PRKDC: variants seen among roughly 807,000 people sequenced by gnomAD.
The protein encoded by PRKDC is protein kinase, DNA-activated, catalytic subunit, also known as DNA-dependent protein kinase catalytic subunit.
A neutral mutation model predicts 486.9 loss-of-function variants in PRKDC; 82 were observed. The observed-to-expected ratio is 0.17, with a 90% CI of 0.14 to 0.20. The LOEUF is 0.20. Ranked by LOEUF, PRKDC falls within the 10% of genes least tolerant of loss-of-function variation. PRKDC has a pLI of 1.00. For synonymous variants in PRKDC, 1,895 were observed against 1,837.0 expected (o/e 1.03, Z -0.81); for missense variants, 4,504 against 5,038.2 (o/e 0.89, Z 3.21).
Position 47,778,807 on chromosome 8 carries a change from TTAA to T in PRKDC, c.11580-11_11580-9del. The T allele has an allele frequency of 6.2e-7, 1 of 1,610,162 alleles. No individual in the cohort carries two copies. Among genetic ancestry groups the T allele is most frequent in the Non-Finnish European group, 8.5e-7 (1 of 1,178,482 alleles). On this transcript the variant is annotated splice_polypyrimidine_tract_variant and intron_variant, in intron 81 of 85. Coordinates refer to ENST00000314191, the MANE Select transcript of PRKDC (RefSeq NM_006904.7). Reference sequence around the variant, plus strand: ...TCAGTACGATTAGCGCCCCTATGATTTAATAATAGAAACATCTAATTAGAAAAA... The same window carrying T: ...TCAGTACGATTAGCGCCCCTATGATTTAATAGAAACATCTAATTAGAAAAA...
At position 47,821,875 on chromosome 8, in the gene PRKDC, A is replaced by G. The variant is rs2087605358; in HGVS notation, c.8923-83T>C. 22 of 1,195,606 alleles carry G rather than the reference A, an allele frequency of 1.8e-5. No individual in the cohort carries two copies. The South Asian group carries it at 3.3e-4, about 18-fold the overall frequency. The allele number at this position is 1,195,606 out of a possible 1,614,324, so 74.1% of individuals were successfully genotyped here. A position where few individuals can be genotyped will look rare whatever the true frequency, so the allele number is the denominator to read the frequency against. On this transcript the variant is annotated intron_variant, in intron 64 of 85. Transcript: ENST00000314191. ...ACACGTAAAAAGGAGGAATGTAACA[A>G]TCACACTAAAAACAATCCTTTTCAG... is the stretch of plus-strand genomic sequence containing the variant.
chr8:47,859,995 ATAC>A (rs373954866), intron 45 of PRKDC, among the ~76,000 whole-genome samples: 8 of 152,338 alleles, frequency 5.3e-5, no homozygotes, highest in African/African-American at 1.9e-4. Context: ...GGAAATTGTT[ATAC>A]TGGTCCAATT....
intron 36 of PRKDC, among the ~76,000 whole-genome samples, chr8:47,884,731 C>A (rs6473879): frequency 0.99 from 151,065 of 152,352 alleles, 74,931 homozygotes; most frequent in Middle Eastern, 1. Flanking sequence ...CAACTTAGGA[C>A]ATCATGTACT....
At position 47,953,894 on chromosome 8, in the gene PRKDC, T is replaced by C. The variant is rs1339990754; in HGVS notation, c.534A>G (p.Leu178=). The change falls in exon 6 of 86, where the codon CTA becomes CTG. Residue 178 remains leucine, a synonymous_variant. Coordinates refer to ENST00000314191, the MANE Select transcript of PRKDC (RefSeq NM_006904.7). ...TAGGATGAACTTCACCCAATAATCC[T>C]AGGAGCTCATATACTTTTTCTAAAA... is the stretch of plus-strand genomic sequence containing the variant. ...DTVLEKVYEL[L]GLLGEVHPSE... 2 of 1,552,210 alleles carry C rather than the reference T, an allele frequency of 1.3e-6. No homozygotes were observed. The highest frequency in any genetic ancestry group is 1.7e-6 in the Non-Finnish European group (2 of 1,145,374).
At chr8:47,899,034 T>C (rs2089633946) in intron 28 of PRKDC, among the ~76,000 whole-genome samples, 1 of 152,244 alleles carries the variant, frequency 6.6e-6, no homozygotes, top group East Asian at 1.9e-4. Context: ...TACGGTATCG[T>C]TTGGTAATAC....
At chr8:47,781,820 T>A (rs1040076698) in intron 80 of PRKDC, among the ~76,000 whole-genome samples, 2 of 152,236 alleles carry the variant, frequency 1.3e-5, no homozygotes, top group African/African-American at 4.8e-5. Context: ...ACCTTGCAGG[T>A]TGTTGGTGAG....
intron 40 of PRKDC, among the ~76,000 whole-genome samples, chr8:47,865,466 A>G (rs1057157417): frequency 6.6e-6 from 1 of 152,192 alleles, no homozygotes; most frequent in Non-Finnish European, 1.5e-5. Context: ...TTTCCCAAAC[A>G]GAAATATACC....
At chr8:47,780,158 G>A (rs969161027) in intron 80 of PRKDC, among the ~76,000 whole-genome samples, 3 of 151,782 alleles carry the variant, frequency 2.0e-5, no homozygotes, top group Admixed American at 6.6e-5. Flanking sequence ...CAGGCGATCC[G>A]CCCACCTTGG....
intron 18 of PRKDC, 150 bp from the exon 19 acceptor site, chr8:47,929,328 C>T (rs981438718): frequency 6.2e-6 from 4 of 645,176 alleles, no homozygotes; most frequent in South Asian, 3.8e-5. Flanking sequence ...GCTCTGCAGA[C>T]ATTTCAAGGC....
rs777767817 is a variant in PRKDC at position 47,881,510 on chromosome 8, G to A, written c.4973C>T (p.Ser1658Phe). The A allele has an allele frequency of 4.0e-6, 6 of 1,506,244 alleles. No homozygotes were observed. The highest frequency in any genetic ancestry group is 5.4e-6 in the Non-Finnish European group (6 of 1,101,884). 93.3% of individuals were successfully genotyped at this position (1,506,244 alleles called of 1,614,324 possible). ...ACCATGACTTGTATTAAAAGATACA[G>A]ATGAATCAATCTAAAGGAAGGAAAA... ...LLAKILQIDS[S>F]VSFNTSHGSF... Residue 1658 changes from serine to phenylalanine, a missense_variant, in exon 38 of 86, where the codon TCT becomes TTT. Ser to Phe is a radical substitution (Grantham distance 155). Coordinates refer to ENST00000314191, the MANE Select transcript of PRKDC (RefSeq NM_006904.7).
intron 18 of PRKDC, among the ~76,000 whole-genome samples, chr8:47,929,521 C>A (rs1423290504): frequency 1.3e-5 from 2 of 152,220 alleles, no homozygotes; most frequent in Non-Finnish European, 2.9e-5. Flanking sequence ...GCCAGAATCA[C>A]CTGGTGGTGC....
chr8:47,788,291 G>A (rs1563734589), intron 76 of PRKDC, among the ~76,000 whole-genome samples: 1 of 152,250 alleles, frequency 6.6e-6, no homozygotes, highest in African/African-American at 2.4e-5. Flanking sequence ...GGAGGAGGGA[G>A]AGAAGGAGCC....
rs1474338260 is a variant in PRKDC at position 47,957,202 on chromosome 8, T to A, written c.293A>T (p.Gln98Leu). 19 of 1,598,344 alleles carry A rather than the reference T, an allele frequency of 1.2e-5. No individual in the cohort carries two copies. The highest frequency in any genetic ancestry group is 1.6e-5 in the Non-Finnish European group (19 of 1,167,914). The change falls in exon 3 of 86, where the codon CAG (glutamine) becomes CTG (leucine). Residue 98 changes from glutamine to leucine, a missense_variant. Coordinates refer to ENST00000314191, the MANE Select transcript of PRKDC (RefSeq NM_006904.7). Reference sequence around the variant, plus strand: ...TTCAACAGAGTAAGGTGCGATCTTCTGGCCCATTTTTTCTAAGAAAATACA... The same window carrying A: ...TTCAACAGAGTAAGGTGCGATCTTCAGGCCCATTTTTTCTAAGAAAATACA... ...FLCIFLEKMG[Q>L]KIAPYSVEIK...
chr8:47,927,350 C>T lies in PRKDC; in HGVS notation c.2263G>A (p.Ala755Thr), dbSNP rs781249086. Residue 755 changes from alanine to threonine, a missense_variant, in exon 21 of 86, where the codon GCT becomes ACT. By Grantham distance (58) the Ala-to-Thr change is moderately conservative (BLOSUM62 0). This residue lies in a region of PRKDC where 1,969 missense variants were observed against 2,068.9 expected (regional missense o/e 0.95). Transcript: ENST00000314191. Reference sequence around the variant, plus strand: ...GTATAGCTCAGGCCCAGTTTGAAAGCCATCTGTATGTTAATACAAACAAGT... The same window carrying T: ...GTATAGCTCAGGCCCAGTTTGAAAGTCATCTGTATGTTAATACAAACAAGT... ...VRAYVPALQM[A>T]FKLGLSYTPL... The T allele has an allele frequency of 1.2e-6, 2 of 1,609,818 alleles. No individual in the cohort carries two copies. The highest frequency in any genetic ancestry group is 1.7e-4 in the Middle Eastern group (1 of 6,050).
At chr8:47,916,446 A>C (rs1324193194) in intron 22 of PRKDC, among the ~76,000 whole-genome samples, 1 of 152,130 alleles carries the variant, frequency 6.6e-6, no homozygotes, top group African/African-American at 2.4e-5. Context: ...AAAAAAAAAA[A>C]AATCTTTAAG....
At chr8:47,810,558 T>G (rs796191281) in intron 68 of PRKDC, among the ~76,000 whole-genome samples, 1 of 152,124 alleles carries the variant, frequency 6.6e-6, no homozygotes, top group African/African-American at 2.4e-5. Context: ...ATAAAAAGAA[T>G]CAGGAGAATG....
chr8:47,831,899 C>G lies in PRKDC; in HGVS notation c.8180G>C (p.Arg2727Pro), dbSNP rs766871497. The change falls in exon 60 of 86, where the codon CGA becomes CCA. Residue 2727 changes from arginine to proline, a missense_variant. By Grantham distance (103) the Arg-to-Pro change is moderately radical. This residue lies in a region of PRKDC where 1,592 missense variants were observed against 1,724.6 expected (regional missense o/e 0.92). Coordinates refer to ENST00000314191, the MANE Select transcript of PRKDC (RefSeq NM_006904.7). ...KGAAGRTDLL[R>P]LRRRFMRDQE... Reference sequence around the variant, plus strand: ...GTCCCTCATAAACCGTCTGCGCAGTCGTAGTAGGTCCGTCCGGCCGGCCGC... The same window carrying G: ...GTCCCTCATAAACCGTCTGCGCAGTGGTAGTAGGTCCGTCCGGCCGGCCGC... 1.9e-6 allele frequency: 3 copies of G among 1,613,620 alleles called. No homozygotes were observed. Among genetic ancestry groups the G allele is most frequent in the South Asian group, 2.2e-5 (2 of 91,042 alleles).
At chr8:47,864,893 T>C (rs2088771954) in intron 40 of PRKDC, 130 bp from the exon 41 acceptor site, 1 of 777,134 alleles carries the variant, frequency 1.3e-6, no homozygotes, top group Non-Finnish European at 1.9e-6. Context: ...GGACTATATA[T>C]ATGCAAAATC....
chr8:47,815,231 G>A (rs1234169904), intron 68 of PRKDC, among the ~76,000 whole-genome samples: 1 of 152,080 alleles, frequency 6.6e-6, no homozygotes, highest in Admixed American at 6.5e-5. Flanking sequence ...TTGCTATTGT[G>A]AAAAAAACAC....
Sources: gnomAD v4.1 joint callset for allele counts (sites outside exome capture counted in the v4.1 genomes callset) on GRCh38, gnomAD v4.1.1 for gene constraint, gnomAD v4.1.1 regional missense constraint, MANE v1.5 for transcripts, NCBI Gene and HGNC (gene_info 2026-07-23, HGNC 2026-07-21) for gene names.